The following FHIT variants were observed in gnomAD, a reference collection of about 807,000 sequenced individuals.
FHIT encodes the protein fragile histidine triad diadenosine triphosphatase.
In FHIT, 19 loss-of-function variants were observed where a neutral mutation model predicts 17.9. The ratio of observed to expected loss-of-function variants is 1.06; its 90% CI spans 0.74 to 1.56. FHIT has a LOEUF of 1.56. Among genes scored for constraint, FHIT ranks in the 40% most tolerant of loss-of-function variants. The pLI is 0.00. For missense variants in FHIT, 248 were observed against 189.2 expected, an observed-to-expected ratio of 1.31 and a Z score of -1.82; for synonymous variants, 81 against 69.7, an observed-to-expected ratio of 1.16 and a Z score of -0.81.
intron 4 of FHIT, among the ~76,000 whole-genome samples, chr3:60,693,184 A>C (rs1162436623): frequency 6.6e-6 from 1 of 152,220 alleles, no homozygotes; most frequent in Admixed American, 6.5e-5. Context: ...ATTTAATTTC[A>C]TTCATTCTTC....
At chr3:60,891,465 C>G (rs782261437) in intron 3 of FHIT, among the ~76,000 whole-genome samples, 13 of 152,128 alleles carry the variant, frequency 8.5e-5, no homozygotes, top group Non-Finnish European at 1.6e-4. Flanking sequence ...CACTGGGTTG[C>G]TAAACTGGTA....
At chr3:60,692,107 C>T (rs958399190) in intron 4 of FHIT, among the ~76,000 whole-genome samples, 5 of 152,102 alleles carry the variant, frequency 3.3e-5, no homozygotes, top group African/African-American at 1.2e-4. Context: ...GCAGGTTTTC[C>T]ACCTAGCATA....
rs138448935 is a variant in FHIT, at chr3:60,042,204, T to C, written c.104-28052A>G. ...TAGAAATTTATTAGAAGCAGCTCCCTGTTCTCCTCAGTTTCTGAGCTTGGA... is the reference window on the plus strand; with the variant it reads ...TAGAAATTTATTAGAAGCAGCTCCCCGTTCTCCTCAGTTTCTGAGCTTGGA... On this transcript the variant is annotated intron_variant, in intron 5 of 9. Coordinates refer to ENST00000492590, the MANE Select transcript of FHIT (RefSeq NM_002012.4). Among the ~76,000 whole-genome samples, 640 of 152,352 alleles carry C rather than the reference T, an allele frequency of 4.2e-3. 4 individuals carry two copies. Among genetic ancestry groups the C allele is most frequent in the African/African-American group, 0.014 (591 of 41,580 alleles).
chr3:60,211,786 T>G (rs9857010), intron 5 of FHIT, among the ~76,000 whole-genome samples: 21,015 of 152,120 alleles, frequency 0.14, 1,565 homozygotes, highest in East Asian at 0.27. Flanking sequence ...TAAGGCATTC[T>G]GACTGGGGAA....
intron 5 of FHIT, among the ~76,000 whole-genome samples, chr3:60,054,039 G>A (rs923889105): frequency 6.6e-6 from 1 of 152,108 alleles, no homozygotes; most frequent in East Asian, 1.9e-4. Context: ...TATTTATTGA[G>A]AGGAGAACAA....
intron 5 of FHIT, among the ~76,000 whole-genome samples, chr3:60,346,613 A>T (rs988874254): frequency 1.3e-5 from 2 of 152,168 alleles, no homozygotes; most frequent in Non-Finnish European, 1.5e-5. Flanking sequence ...TTCGCCAAAT[A>T]AATTCCATTC....
chr3:60,910,878 T>G (rs1340741060), intron 3 of FHIT, among the ~76,000 whole-genome samples: 1 of 152,194 alleles, frequency 6.6e-6, no homozygotes, highest in Non-Finnish European at 1.5e-5. Context: ...CAGAAGCCAG[T>G]GTCACCCCAC....
At chr3:60,062,281 G>A (rs956998511) in intron 5 of FHIT, among the ~76,000 whole-genome samples, 1 of 152,150 alleles carries the variant, frequency 6.6e-6, no homozygotes, top group African/African-American at 2.4e-5. Flanking sequence ...AACAATGAAT[G>A]AGAGTGGAAA....
chr3:61,112,832 G>C (rs2036198296), intron 2 of FHIT, among the ~76,000 whole-genome samples: 2 of 152,130 alleles, frequency 1.3e-5, no homozygotes, highest in Non-Finnish European at 2.9e-5. Flanking sequence ...TAACGGTCAA[G>C]AGGCTGATGA....
chr3:60,087,849 C>T (rs1352290163), intron 5 of FHIT, among the ~76,000 whole-genome samples: 1 of 152,122 alleles, frequency 6.6e-6, no homozygotes, highest in African/African-American at 2.4e-5. Flanking sequence ...TCTTCTGAGA[C>T]CTCCAAACTC....
intron 3 of FHIT, among the ~76,000 whole-genome samples, chr3:60,895,992 A>G (rs11130792): frequency 0.55 from 82,712 of 151,670 alleles, 25,552 homozygotes; most frequent in East Asian, 0.9. Context: ...CTGGCTGCAC[A>G]CTAGGAGGTG....
chr3:59,971,748 T>C (rs1708194203), intron 7 of FHIT, among the ~76,000 whole-genome samples: 4 of 152,188 alleles, frequency 2.6e-5, no homozygotes, highest in Non-Finnish European at 4.4e-5. Context: ...ACTCATTGTA[T>C]GACCTTGGGC....
chr3:61,055,374 T>C (rs529360482), intron 2 of FHIT, among the ~76,000 whole-genome samples: 33 of 152,296 alleles, frequency 2.2e-4, no homozygotes, highest in Middle Eastern at 3.4e-3. Flanking sequence ...GTCTCGTCCA[T>C]AATAGAGATG....
At chr3:60,850,624 G>C (rs974255124) in intron 3 of FHIT, among the ~76,000 whole-genome samples, 1 of 152,024 alleles carries the variant, frequency 6.6e-6, no homozygotes, top group African/African-American at 2.4e-5. Context: ...CTCACCACTT[G>C]TTTATCCAGA....
intron 5 of FHIT, among the ~76,000 whole-genome samples, chr3:60,031,954 T>C (rs1701020666): frequency 6.6e-6 from 1 of 152,212 alleles, no homozygotes; most frequent in African/African-American, 2.4e-5. Flanking sequence ...AAATCACAGG[T>C]ATTTAAAAAA....
At chr3:60,912,437 T>TTAAG (rs1200371576) in intron 3 of FHIT, among the ~76,000 whole-genome samples, 1 of 152,092 alleles carries the variant, frequency 6.6e-6, no homozygotes, top group Non-Finnish European at 1.5e-5. Context: ...ATTATAGGGA[T>TTAAG]TAAGTGAGAA....
At chr3:60,032,008 T>C (rs1453861516) in intron 5 of FHIT, among the ~76,000 whole-genome samples, 1 of 152,204 alleles carries the variant, frequency 6.6e-6, no homozygotes, top group Non-Finnish European at 1.5e-5. Context: ...TACCTTGAAA[T>C]ATCATTTATT....
intron 7 of FHIT, among the ~76,000 whole-genome samples, chr3:59,945,020 T>C (rs1173511197): frequency 2.0e-5 from 3 of 152,308 alleles, no homozygotes; most frequent in African/African-American, 7.2e-5. Context: ...TAGGATGATT[T>C]ATTTTCCTTT....
chr3:59,868,626 C>T (rs1395826951), intron 8 of FHIT, among the ~76,000 whole-genome samples: 1 of 152,168 alleles, frequency 6.6e-6, no homozygotes, highest in Non-Finnish European at 1.5e-5. Context: ...CAATACCAAC[C>T]AACATTAAAT....
Sources: allele counts gnomAD v4.1 joint callset (sites outside exome capture counted in the v4.1 genomes callset), GRCh38; gene constraint gnomAD v4.1.1; transcripts MANE v1.5; gene names NCBI Gene and HGNC (gene_info 2026-07-23, HGNC 2026-07-21).